The following CDH12 variants were observed in gnomAD, a reference collection of about 807,000 sequenced individuals.
CDH12 encodes cadherin-12.
A neutral mutation model predicts 74.1 loss-of-function variants in CDH12; 41 were observed. That is an observed-to-expected ratio of 0.55 (90% CI 0.43 to 0.72). The LOEUF (loss-of-function observed/expected upper bound fraction) is 0.72, where lower values mean the gene tolerates loss of function less well. CDH12 is among the 30% of genes least tolerant of loss of function. The pLI is 0.00. For synonymous variants in CDH12, 399 were observed against 355.0 expected (o/e 1.12, Z -1.39); for missense variants, 945 against 977.2 (o/e 0.97, Z 0.44).
At chr5:22,584,055 A>C (rs1740244093) in intron 1 of CDH12, among the ~76,000 whole-genome samples, 1 of 149,528 alleles carries the variant, frequency 6.7e-6, no homozygotes, top group Non-Finnish European at 1.5e-5. Flanking sequence ...AATTTTTTTA[A>C]GGGGAATCAT....
chr5:21,823,007 T>G (rs7442721), intron 8 of CDH12, among the ~76,000 whole-genome samples: 146,575 of 152,102 alleles, frequency 0.96, 70,642 homozygotes, highest in East Asian at 1. Context: ...ATTAATTGCT[T>G]AATTTTCCGG....
At chr5:21,970,503 C>T (rs561150133) in intron 6 of CDH12, among the ~76,000 whole-genome samples, 4 of 152,186 alleles carry the variant, frequency 2.6e-5, no homozygotes, top group African/African-American at 9.6e-5. Context: ...ACACAGTCTT[C>T]ACTTTTCCTT....
chr5:22,610,162 G>C (rs1166129207), intron 1 of CDH12, among the ~76,000 whole-genome samples: 1 of 152,054 alleles, frequency 6.6e-6, no homozygotes, highest in Non-Finnish European at 1.5e-5. Context: ...TATTCTCCTT[G>C]CTTTTACTGA....
chr5:22,138,808 T>C (rs1746603824), intron 4 of CDH12, among the ~76,000 whole-genome samples: 1 of 143,004 alleles, frequency 7.0e-6, no homozygotes, highest in Non-Finnish European at 1.5e-5. Context: ...TGTATAATTA[T>C]ATATATAATT....
intron 11 of CDH12, among the ~76,000 whole-genome samples, chr5:21,775,315 T>C (rs376585202): frequency 3.9e-5 from 6 of 152,342 alleles, no homozygotes; most frequent in Non-Finnish European, 1.5e-5. Context: ...TCAGTGCTTG[T>C]TCACAGAAAT....
chr5:22,518,553 G>A (rs1039413540), intron 1 of CDH12, among the ~76,000 whole-genome samples: 1 of 152,114 alleles, frequency 6.6e-6, no homozygotes, highest in Admixed American at 6.5e-5. Flanking sequence ...TTATTGTTTT[G>A]TTCTGGACAT....
intron 1 of CDH12, among the ~76,000 whole-genome samples, chr5:22,521,762 G>A (rs9293021): frequency 0.16 from 24,696 of 152,120 alleles, 2,595 homozygotes; most frequent in East Asian, 0.37. Context: ...ATGAATGAAC[G>A]TGGATGAGTT....
chr5:22,588,196 G>T (rs1740510698), intron 1 of CDH12, among the ~76,000 whole-genome samples: 1 of 151,814 alleles, frequency 6.6e-6, no homozygotes, highest in Admixed American at 6.6e-5. Context: ...CCAAACTAAT[G>T]TGTAGAAATG....
Position 22,234,957 on chromosome 5 carries a change from A to T in CDH12, c.-332-22314T>A, listed in dbSNP as rs150517890. On this transcript the variant is annotated intron_variant, in intron 3 of 14. Coordinates refer to ENST00000382254, the MANE Select transcript of CDH12 (RefSeq NM_004061.5). ...ACCAACAAAGTCCCACAATTCAATT[A>T]AAAACCTGATACAAGAATTATACAG... Among the ~76,000 whole-genome samples, 775 of 152,316 alleles carry T rather than the reference A, an allele frequency of 5.1e-3. 6 individuals are homozygous for T. Among genetic ancestry groups the T allele is most frequent in the African/African-American group, 0.017 (726 of 41,564 alleles).
intron 3 of CDH12, among the ~76,000 whole-genome samples, chr5:22,327,403 T>TG (rs1352914659): frequency 6.6e-6 from 1 of 150,576 alleles, no homozygotes; most frequent in African/African-American, 2.5e-5. Context: ...TGAGAGCCAC[T>TG]GACCGGGAGA....
chr5:22,680,825 C>T (rs553868541), intron 1 of CDH12, among the ~76,000 whole-genome samples: 14 of 152,148 alleles, frequency 9.2e-5, no homozygotes, highest in African/African-American at 3.4e-4. Context: ...AATCTTCATC[C>T]AGTGTTGCTC....
At chr5:22,003,772 T>C (rs1580097311) in intron 5 of CDH12, among the ~76,000 whole-genome samples, 2 of 144,220 alleles carry the variant, frequency 1.4e-5, no homozygotes, top group East Asian at 4.1e-4. Context: ...AAATAAATGT[T>C]TATTTGTTTC....
At chr5:22,317,583 G>A (rs891001469) in intron 3 of CDH12, among the ~76,000 whole-genome samples, 13 of 152,034 alleles carry the variant, frequency 8.6e-5, no homozygotes, top group Non-Finnish European at 1.9e-4. Context: ...AACTGAATAC[G>A]CAGTTCCTGT....
intron 5 of CDH12, among the ~76,000 whole-genome samples, chr5:21,991,275 G>T (rs528776362): frequency 1.2e-3 from 186 of 151,508 alleles, no homozygotes; most frequent in African/African-American, 4.4e-3. Flanking sequence ...ATATTAAAAA[G>T]GTAATAGAGT....
At chr5:21,950,757 TTTATTATTA>T (rs71609723) in intron 6 of CDH12, among the ~76,000 whole-genome samples, 3,649 of 136,954 alleles carry the variant, frequency 0.027, 157 homozygotes, top group African/African-American at 0.088. Flanking sequence ...TAAATTTTAT[TTTATTATTA>T]TTATTATTAT....
intron 1 of CDH12, among the ~76,000 whole-genome samples, chr5:22,534,370 GT>G (rs1737731626): frequency 6.6e-6 from 1 of 151,998 alleles, no homozygotes; most frequent in African/African-American, 2.4e-5. Context: ...CTTCCCCTGA[GT>G]CCCCAAAGTC....
chr5:22,278,374 A>C (rs564850420), intron 3 of CDH12, among the ~76,000 whole-genome samples: 99 of 152,328 alleles, frequency 6.5e-4, no homozygotes, highest in Non-Finnish European at 1.2e-3. Flanking sequence ...GTCAGCCAAA[A>C]GGATGGGAAA....
chr5:22,425,026 C>CT (rs1743838856), intron 2 of CDH12, among the ~76,000 whole-genome samples: 1 of 146,708 alleles, frequency 6.8e-6, no homozygotes, highest in African/African-American at 2.5e-5. Flanking sequence ...CTGCACATTG[C>CT]TTTTTTACTG....
At chr5:22,056,818 GT>G (rs2150200324) in intron 5 of CDH12, among the ~76,000 whole-genome samples, 2 of 152,232 alleles carry the variant, frequency 1.3e-5, no homozygotes, top group South Asian at 4.1e-4. Context: ...GATGTTTTGT[GT>G]TTTTCCTACT....
Sources: allele counts gnomAD v4.1 joint callset (sites outside exome capture counted in the v4.1 genomes callset), GRCh38; gene constraint gnomAD v4.1.1; transcripts MANE v1.5; gene names NCBI Gene and HGNC (gene_info 2026-07-23, HGNC 2026-07-21).